ST6GALNAC3: variants seen among roughly 807,000 people sequenced by gnomAD.
ST6GALNAC3 encodes the protein alpha-N-acetylgalactosaminide alpha-2,6-sialyltransferase 3.
Under a neutral mutation model 32.7 loss-of-function variants are expected in ST6GALNAC3, and 25 were observed. That is an observed-to-expected ratio of 0.76 (90% CI 0.56 to 1.07). ST6GALNAC3 has a LOEUF of 1.07. Ranked by LOEUF, ST6GALNAC3 falls within the 50% of genes least tolerant of loss-of-function variation. ST6GALNAC3 has a pLI of 0.00. For missense variants in ST6GALNAC3, 355 were observed against 382.4 expected, an observed-to-expected ratio of 0.93 and a Z score of 0.60; for synonymous variants, 129 against 133.1, an observed-to-expected ratio of 0.97 and a Z score of 0.21.
chr1:76,437,278 C>A (rs1307926323), intron 3 of ST6GALNAC3, among the ~76,000 whole-genome samples: 1 of 152,114 alleles, frequency 6.6e-6, no homozygotes, highest in Non-Finnish European at 1.5e-5. Context: ...AAGATGATTT[C>A]TTCATCTCAG....
chr1:76,246,700 TC>T (rs1657283150), intron 1 of ST6GALNAC3, among the ~76,000 whole-genome samples: 1 of 152,156 alleles, frequency 6.6e-6, no homozygotes, highest in South Asian at 2.1e-4. Flanking sequence ...AGTTAACAGT[TC>T]CTGTAACCTT....
intron 1 of ST6GALNAC3, among the ~76,000 whole-genome samples, chr1:76,151,134 G>A (rs1198790083): frequency 6.6e-6 from 1 of 152,076 alleles, no homozygotes; most frequent in Non-Finnish European, 1.5e-5. Context: ...TGGTTCTCAC[G>A]GGGAAGAGGG....
intron 1 of ST6GALNAC3, among the ~76,000 whole-genome samples, chr1:76,267,498 G>C (rs11162105): frequency 0.72 from 109,940 of 152,132 alleles, 40,054 homozygotes; most frequent in African/African-American, 0.81. Flanking sequence ...TTTTTACCAC[G>C]TTTTCTTCAG....
At chr1:76,426,544 G>GATATATAT (rs35312320) in intron 3 of ST6GALNAC3, among the ~76,000 whole-genome samples, 2 of 146,670 alleles carry the variant, frequency 1.4e-5, no homozygotes, top group South Asian at 4.3e-4. Context: ...CTGTTTTACA[G>GATATATAT]ATATATATAT....
At chr1:76,564,778 G>T (rs1163523294) in intron 3 of ST6GALNAC3, among the ~76,000 whole-genome samples, 2 of 151,878 alleles carry the variant, frequency 1.3e-5, no homozygotes, top group East Asian at 3.9e-4. Flanking sequence ...GTAGAGACGG[G>T]GTTTCACCGT....
chr1:76,218,142 A>C (rs1655575258), intron 1 of ST6GALNAC3, among the ~76,000 whole-genome samples: 1 of 152,082 alleles, frequency 6.6e-6, no homozygotes, highest in African/African-American at 2.4e-5. Context: ...AAGAGTGTAA[A>C]AGTGTTCCCT....
At chr1:76,527,159 CTT>C (rs1435151628) in intron 3 of ST6GALNAC3, among the ~76,000 whole-genome samples, 2 of 152,084 alleles carry the variant, frequency 1.3e-5, no homozygotes, top group African/African-American at 2.4e-5. Context: ...TGTCAAGTCT[CTT>C]TTCAGCACAT....
At chr1:76,165,784 T>A (rs1207979087) in intron 1 of ST6GALNAC3, among the ~76,000 whole-genome samples, 3 of 152,252 alleles carry the variant, frequency 2.0e-5, no homozygotes. Context: ...CTGAGTTTTT[T>A]TTCATATGAT....
chr1:76,473,847 A>C (rs1277146846), intron 3 of ST6GALNAC3, among the ~76,000 whole-genome samples: 1 of 152,180 alleles, frequency 6.6e-6, no homozygotes, highest in Admixed American at 6.5e-5. Context: ...TAGTTTAACC[A>C]GGATAAGGCA....
intron 1 of ST6GALNAC3, among the ~76,000 whole-genome samples, chr1:76,301,531 T>C (rs1028633958): frequency 6.6e-6 from 1 of 152,020 alleles, no homozygotes; most frequent in African/African-American, 2.4e-5. Flanking sequence ...CAAATGACTG[T>C]CAATGCAATA....
chr1:76,330,921 G>A (rs1423908060), intron 2 of ST6GALNAC3, among the ~76,000 whole-genome samples: 1 of 152,202 alleles, frequency 6.6e-6, no homozygotes, highest in Non-Finnish European at 1.5e-5. Flanking sequence ...AATCTTCAGA[G>A]TGCATTCCAC....
chr1:76,556,581 G>T (rs1276059510), intron 3 of ST6GALNAC3, among the ~76,000 whole-genome samples: 3 of 151,962 alleles, frequency 2.0e-5, no homozygotes, highest in Admixed American at 6.6e-5. Flanking sequence ...CCATGATAAT[G>T]GGTATACCTC....
chr1:76,313,773 G>A (rs760779896), intron 1 of ST6GALNAC3, 32 bp from the exon 2 acceptor site: 82 of 1,608,994 alleles, frequency 5.1e-5, no homozygotes, highest in South Asian at 2.3e-4. Context: ...AAAGTCATTC[G>A]TTCTTCTTTT....
At chr1:76,419,661 G>A (rs1413635229) in intron 3 of ST6GALNAC3, among the ~76,000 whole-genome samples, 1 of 151,664 alleles carries the variant, frequency 6.6e-6, no homozygotes, top group Non-Finnish European at 1.5e-5. Flanking sequence ...CTCTATTCTT[G>A]GATGCTTGAC....
At chr1:76,402,034 T>TTA (rs1449453251) in intron 2 of ST6GALNAC3, among the ~76,000 whole-genome samples, 54 of 98,594 alleles carry the variant, frequency 5.5e-4, no homozygotes, top group African/African-American at 1.4e-3. Context: ...AGAGATGAAT[T>TTA]TATATTTTTT....
chr1:76,531,673 T>C (rs1160769645), intron 3 of ST6GALNAC3, among the ~76,000 whole-genome samples: 1 of 152,194 alleles, frequency 6.6e-6, no homozygotes, highest in African/African-American at 2.4e-5. Context: ...AATACAATAA[T>C]GACCTTTATG....
At chr1:76,184,494 G>A (rs1481055787) in intron 1 of ST6GALNAC3, among the ~76,000 whole-genome samples, 2 of 149,064 alleles carry the variant, frequency 1.3e-5, no homozygotes, top group South Asian at 2.2e-4. Flanking sequence ...AGCCAAGATC[G>A]TGCCACTGCA....
At chr1:76,322,131 C>T (rs543853524) in intron 2 of ST6GALNAC3, among the ~76,000 whole-genome samples, 2 of 152,094 alleles carry the variant, frequency 1.3e-5, no homozygotes, top group East Asian at 3.9e-4. Flanking sequence ...TTGTGACAAG[C>T]AAAGGAAAAC....
chr1:76,548,569 G>A (rs149055227), intron 3 of ST6GALNAC3, among the ~76,000 whole-genome samples: 196 of 152,254 alleles, frequency 1.3e-3, no homozygotes, highest in Non-Finnish European at 1.6e-3. Flanking sequence ...TACGTGAGGC[G>A]TTGTTGCTTT....
Sources: gnomAD v4.1 joint callset for allele counts (sites outside exome capture counted in the v4.1 genomes callset) on GRCh38, gnomAD v4.1.1 for gene constraint, MANE v1.5 for transcripts, NCBI Gene and HGNC (gene_info 2026-07-23, HGNC 2026-07-21) for gene names.